The following UGGT2 variants were observed in gnomAD, a reference collection of about 807,000 sequenced individuals.
UGGT2 encodes UDP-glucose glycoprotein glucosyltransferase 2.
In UGGT2, 180 loss-of-function variants were observed where a neutral mutation model predicts 192.1. That is an observed-to-expected ratio of 0.94 (90% confidence interval 0.83 to 1.06). The LOEUF (loss-of-function observed/expected upper bound fraction) is 1.06. UGGT2 is among the 50% of genes least tolerant of loss of function. The pLI, the probability that UGGT2 is intolerant of heterozygous loss-of-function variation, is 0.00. For synonymous variants in UGGT2, 580 were observed against 591.0 expected (o/e 0.98, Z 0.27); for missense variants, 1,849 against 1,795.7 (o/e 1.03, Z -0.54).
At chr13:95,980,118 A>G (rs116305607) in intron 10 of UGGT2, among the ~76,000 whole-genome samples, 215 of 152,338 alleles carry the variant, frequency 1.4e-3, no homozygotes, top group African/African-American at 4.7e-3. Flanking sequence ...CATTTGATCT[A>G]GCAATCCCAC....
At chr13:95,864,429 T>A (rs1890453406) in intron 30 of UGGT2, among the ~76,000 whole-genome samples, 1 of 152,204 alleles carries the variant, frequency 6.6e-6, no homozygotes, top group Admixed American at 6.5e-5. Context: ...TCGGAAAAGC[T>A]ACTAAAACTC....
intron 5 of UGGT2, among the ~76,000 whole-genome samples, chr13:96,004,665 A>G (rs1410753041): frequency 3.4e-5 from 5 of 149,190 alleles, no homozygotes; most frequent in Non-Finnish European, 6.0e-5. Context: ...ATATCTCCCA[A>G]TGCTATCCCT....
intron 19 of UGGT2, 70 bp from the exon 20 acceptor site, chr13:95,925,844 G>A: frequency 9.5e-7 from 1 of 1,058,030 alleles, no homozygotes; most frequent in Non-Finnish European, 1.3e-6. Context: ...AGGGGAACAT[G>A]TGCAGTTAAC....
rs540945547 is a variant in UGGT2 at position 95,905,436 on chromosome 13, C to A, written c.2296-2376G>T. Among the ~76,000 whole-genome samples, 3 of 152,050 alleles carry A rather than the reference C, an allele frequency of 2.0e-5. No individual in the cohort carries two copies. In the East Asian group the frequency reaches 5.8e-4, roughly 29 times the overall value. ...AGGGTTTTTATGGTTTTAGGTCTAACGTTTAAGTCTTTAATCCATCTTCAA... is the reference window on the plus strand; with the variant it reads ...AGGGTTTTTATGGTTTTAGGTCTAAAGTTTAAGTCTTTAATCCATCTTCAA... On this transcript the variant is annotated intron_variant, in intron 20 of 38. Transcript: ENST00000376747.
At chr13:95,852,589 G>C (rs1368977260) in intron 36 of UGGT2, among the ~76,000 whole-genome samples, 2 of 152,130 alleles carry the variant, frequency 1.3e-5, no homozygotes, top group African/African-American at 4.8e-5. Context: ...GAAGTCTTAG[G>C]AGAATATCTG....
At position 95,972,615 on chromosome 13, in the gene UGGT2, G is replaced by C; in HGVS notation, c.1149C>G (p.Gly383=). 2 of 1,613,644 alleles carry C rather than the reference G, an allele frequency of 1.2e-6. No homozygotes were observed. Among genetic ancestry groups the C allele is most frequent in the Non-Finnish European group, 1.7e-6 (2 of 1,179,816 alleles). ...QPGDARLFIN[G]LRVDMDVYDA... is the part of the protein sequence containing the mutation. ...CATAAACATCCATATCAACACGAAG[G>C]CCATTTATAAATAGACGAGCATCGC... Residue 383 remains glycine, a synonymous_variant, in exon 11 of 39, where the codon GGC becomes GGG. Coordinates refer to ENST00000376747, the MANE Select transcript of UGGT2 (RefSeq NM_020121.4).
At chr13:95,968,904 T>G (rs1263477232) in intron 12 of UGGT2, among the ~76,000 whole-genome samples, 2 of 152,140 alleles carry the variant, frequency 1.3e-5, no homozygotes, top group South Asian at 2.1e-4. Context: ...ACCTTGGATA[T>G]TCCCAAGAAG....
chr13:96,029,506 G>A (rs1330288628), intron 2 of UGGT2, among the ~76,000 whole-genome samples: 11 of 151,914 alleles, frequency 7.2e-5, no homozygotes, highest in African/African-American at 2.4e-4. Context: ...GGCTGGTCTC[G>A]AACTCCTGGC....
intron 2 of UGGT2, among the ~76,000 whole-genome samples, chr13:96,025,614 T>C (rs2052639963): frequency 6.6e-6 from 1 of 152,176 alleles, no homozygotes. Context: ...TAGTCAGTTA[T>C]AAAGTCTTTC....
At chr13:95,990,267 T>C (rs2140897206) in intron 7 of UGGT2, 194 bp from the exon 8 acceptor site, 1 of 322,440 alleles carries the variant, frequency 3.1e-6, no homozygotes, top group South Asian at 8.2e-5. Flanking sequence ...AGGTCTCTTT[T>C]ATTAAATATA....
intron 4 of UGGT2, among the ~76,000 whole-genome samples, chr13:96,018,746 A>G (rs1024041582): frequency 6.6e-6 from 1 of 151,762 alleles, no homozygotes; most frequent in African/African-American, 2.4e-5. Context: ...ATTGAAAAAA[A>G]AAACAAAAAA....
At chr13:95,962,905 G>A (rs4594118) in intron 12 of UGGT2, among the ~76,000 whole-genome samples, 1 of 151,996 alleles carries the variant, frequency 6.6e-6, no homozygotes, top group African/African-American at 2.4e-5. Context: ...GAGGCATGGA[G>A]GAACAAGTCA....
intron 4 of UGGT2, among the ~76,000 whole-genome samples, chr13:96,014,082 T>C (rs2052249957): frequency 6.6e-6 from 1 of 152,152 alleles, no homozygotes; most frequent in East Asian, 1.9e-4. Context: ...ACTTTTAAGT[T>C]TCTGAGGCTC....
Position 95,853,672 on chromosome 13 carries a change from T to C in UGGT2, c.4170-15A>G. 1 of 1,512,764 alleles carries C rather than the reference T, an allele frequency of 6.6e-7. No individual in the cohort carries two copies. The highest frequency in any genetic ancestry group is 8.9e-7 in the Non-Finnish European group (1 of 1,129,420). 93.7% of individuals were successfully genotyped at this position (1,512,764 alleles called of 1,614,324 possible). A position where few individuals can be genotyped will look rare whatever the true frequency, so the allele number is the denominator to read the frequency against. ...CATATAAAGCACTGCAAAAATGAATTACTTCTTGATAGCCTATGTTGTTTA... is the reference window on the plus strand; with the variant it reads ...CATATAAAGCACTGCAAAAATGAATCACTTCTTGATAGCCTATGTTGTTTA... On this transcript the variant is annotated splice_polypyrimidine_tract_variant and intron_variant, in intron 35 of 38. Transcript: ENST00000376747.
rs528532645 is a variant in UGGT2 at position 96,051,702 on chromosome 13, T to G, written c.158+1453A>C. On this transcript the variant is annotated intron_variant, in intron 1 of 38. Transcript: ENST00000376747. ...ACATGAATAGACAATTCTCAAAAGA[T>G]ATATAAATGGCTAACATGAAAAAAT... Among the ~76,000 whole-genome samples the G allele has an allele frequency of 5.3e-5, 8 of 149,822 alleles. No individual in the cohort carries two copies. The East Asian group carries it at 1.4e-3, about 26-fold the overall frequency.
intron 12 of UGGT2, among the ~76,000 whole-genome samples, chr13:95,951,192 A>G (rs2050049863): frequency 6.6e-6 from 1 of 152,202 alleles, no homozygotes; most frequent in Non-Finnish European, 1.5e-5. Flanking sequence ...TGTCTAAATA[A>G]AGGAAGGCAT....
At position 95,986,314 on chromosome 13, in the gene UGGT2, C is replaced by T; in HGVS notation, c.1031+19G>A. 6.7e-7 allele frequency: 1 copy of T among 1,485,640 alleles called. No individual in the cohort carries two copies. Among genetic ancestry groups the T allele is most frequent in the East Asian group, 2.3e-5 (1 of 43,790 alleles). The allele number at this position is 1,485,640 out of a possible 1,614,324, so 92.0% of individuals were successfully genotyped here. ...AGAAAGAGTTATAGCTGCAATGAAA[C>T]CTATAAACTTTAACATACCTGGCTT... On this transcript the variant is annotated intron_variant, in intron 9 of 38. Transcript: ENST00000376747.
At chr13:95,897,079 G>A (rs2047967688) in intron 22 of UGGT2, among the ~76,000 whole-genome samples, 1 of 151,946 alleles carries the variant, frequency 6.6e-6, no homozygotes, top group South Asian at 2.1e-4. Context: ...TTTTCATGAT[G>A]CCCTTCAAAT....
At chr13:96,031,772 G>T in intron 2 of UGGT2, 117 bp downstream of exon 2, 1 of 665,280 alleles carries the variant, frequency 1.5e-6, no homozygotes, top group South Asian at 3.3e-5. Flanking sequence ...TTTAATGTTC[G>T]GATTTACTAA....
Sources: gnomAD v4.1 joint callset for allele counts (sites outside exome capture counted in the v4.1 genomes callset) on GRCh38, gnomAD v4.1.1 for gene constraint, MANE v1.5 for transcripts, NCBI Gene and HGNC (gene_info 2026-07-23, HGNC 2026-07-21) for gene names.